Variants in TMEM273 observed in about 807,000 individuals in gnomAD.
TMEM273 encodes chromosome 10 open reading frame 128.
TMEM273 carries 19 observed loss-of-function variants against 17.9 expected under a neutral mutation model. The ratio of observed to expected loss-of-function variants is 1.06; its 90% CI spans 0.74 to 1.55. The LOEUF (loss-of-function observed/expected upper bound fraction) is 1.55. TMEM273 is among the 40% of genes most tolerant of loss of function. The pLI, the probability that TMEM273 is intolerant of heterozygous loss-of-function variation, is 0.00. For synonymous variants in TMEM273, 66 were observed against 62.0 expected, an observed-to-expected ratio of 1.07 and a Z score of -0.31; for missense variants, 194 against 155.6, an observed-to-expected ratio of 1.25 and a Z score of -1.31.
intron 6 of TMEM273, 119 bp from the exon 7 acceptor site, chr10:49,156,028 G>A (rs1000477178): frequency 6.9e-6 from 11 of 1,583,518 alleles, no homozygotes; most frequent in African/African-American, 6.7e-5. Flanking sequence ...AGCAAAGCCT[G>A]CAAGGTGGGC....
At chr10:49,165,429 G>A in intron 4 of TMEM273, 146 bp from the exon 5 acceptor site, 1 of 1,498,658 alleles carries the variant, frequency 6.7e-7, no homozygotes, top group Non-Finnish European at 8.9e-7. Flanking sequence ...AACCACGTGT[G>A]ACCTCCCAAG....
chr10:49,165,858 C>G, intron 3 of TMEM273, 62 bp from the exon 4 acceptor site: 1 of 1,601,994 alleles, frequency 6.2e-7, no homozygotes, highest in Non-Finnish European at 8.5e-7. Flanking sequence ...AGAGCATTCC[C>G]TAGAGCTTTC....
rs543458597 is a variant in TMEM273, at chr10:49,160,715, A to C, written c.372+884T>G. On this transcript the variant is annotated intron_variant, in intron 6 of 6. Coordinates refer to ENST00000374153, the MANE Select transcript of TMEM273 (RefSeq NM_001288740.3). ...TAGGAAACACAATGGTGCTGTATTC[A>C]GGGGTGAAATATCATGATATCTACA... The C allele has an allele frequency of 4.6e-5, 7 of 151,256 alleles. No individual in the cohort carries two copies. In the South Asian group the frequency reaches 1.5e-3, roughly 32 times the overall value. 9.4% of individuals were successfully genotyped at this position (151,256 alleles called of 1,614,324 possible).
intron 6 of TMEM273, chr10:49,156,252 G>A (rs903558063): frequency 1.5e-6 from 2 of 1,357,604 alleles, no homozygotes; most frequent in Non-Finnish European, 2.0e-6. Flanking sequence ...CACAGATCTG[G>A]CCAGATGCTA....
intron 1 of TMEM273, among the ~76,000 whole-genome samples, chr10:49,170,898 GCCT>G (rs1381907845): frequency 2.0e-5 from 3 of 152,192 alleles, no homozygotes; most frequent in African/African-American, 7.2e-5. Context: ...CCCCCTGCAA[GCCT>G]CCAGCACTGG....
intron 5 of TMEM273, among the ~76,000 whole-genome samples, chr10:49,162,278 T>A (rs1211123549): frequency 6.6e-6 from 1 of 152,180 alleles, no homozygotes; most frequent in Admixed American, 6.5e-5. Context: ...GAGTCCATCA[T>A]GAATGGCCAC....
intron 5 of TMEM273, 32 bp from the exon 6 acceptor site, chr10:49,161,654 C>T (rs1029964279): frequency 6.2e-7 from 1 of 1,614,146 alleles, no homozygotes. Context: ...TGTTCATTGC[C>T]TAAGCCTTAG....
intron 2 of TMEM273, among the ~76,000 whole-genome samples, chr10:49,167,243 C>A (rs1282053648): frequency 2.0e-5 from 3 of 152,230 alleles, no homozygotes; most frequent in Non-Finnish European, 2.9e-5. Context: ...CTGAAGCTCA[C>A]CTGGCTACCC....
At chr10:49,166,580 C>T in intron 3 of TMEM273, 1 of 407,890 alleles carries the variant, frequency 2.5e-6, no homozygotes, top group Non-Finnish European at 4.6e-6. Context: ...CCAAGAGCAA[C>T]TGAAAGGAAA....
intron 1 of TMEM273, among the ~76,000 whole-genome samples, chr10:49,170,114 A>G (rs1330802289): frequency 6.6e-6 from 1 of 152,218 alleles, no homozygotes; most frequent in Non-Finnish European, 1.5e-5. Flanking sequence ...ATGAAATCCG[A>G]GCAGAGAGGA....
At chr10:49,166,810 G>T in intron 3 of TMEM273, 59 bp downstream of exon 3, 1 of 1,605,620 alleles carries the variant, frequency 6.2e-7, no homozygotes. Flanking sequence ...GCATCACAGA[G>T]TGGCCCTCGG....
intron 6 of TMEM273, among the ~76,000 whole-genome samples, chr10:49,159,281 C>T (rs1007314860): frequency 2.0e-5 from 3 of 152,116 alleles, no homozygotes; most frequent in African/African-American, 4.8e-5. Flanking sequence ...AGCATAACCA[C>T]ACAGAGAATA....
chr10:49,167,320 CTTCGTTAATTCA>C (rs1846258276), intron 2 of TMEM273, among the ~76,000 whole-genome samples: 1 of 152,236 alleles, frequency 6.6e-6, no homozygotes, highest in Admixed American at 6.5e-5. Flanking sequence ...TCACTGATCC[CTTCGTTAATTCA>C]TCCACTCATC....
chr10:49,166,224 TGATA>T (rs1479602027), intron 3 of TMEM273, among the ~76,000 whole-genome samples: 1 of 152,130 alleles, frequency 6.6e-6, no homozygotes, highest in Non-Finnish European at 1.5e-5. Context: ...AGTCTGGGGA[TGATA>T]CCCTGAGAGA....
intron 4 of TMEM273, 181 bp from the exon 5 acceptor site, chr10:49,165,464 T>C: frequency 6.8e-7 from 1 of 1,469,320 alleles, no homozygotes; most frequent in Non-Finnish European, 9.0e-7. Flanking sequence ...GGCCTCATTC[T>C]GAAAGTCAGG....
At chr10:49,161,208 C>A in intron 6 of TMEM273, 1 of 228,564 alleles carries the variant, frequency 4.4e-6, no homozygotes, top group Non-Finnish European at 8.7e-6. Flanking sequence ...AAATACCCAG[C>A]CAAACTGATA....
chr10:49,156,040 A>C (rs1387155885), intron 6 of TMEM273, 131 bp from the exon 7 acceptor site: 37 of 1,570,034 alleles, frequency 2.4e-5, no homozygotes, highest in Non-Finnish European at 3.2e-5. Context: ...AAGGTGGGCC[A>C]CTTCCTTGTG....
intron 1 of TMEM273, among the ~76,000 whole-genome samples, chr10:49,175,235 C>T (rs1846873988): frequency 6.6e-6 from 1 of 152,094 alleles, no homozygotes; most frequent in Non-Finnish European, 1.5e-5. Flanking sequence ...ATGTGGCCGG[C>T]ACTGTGGACA....
At chr10:49,176,800 G>A (rs1037605676) in intron 1 of TMEM273, among the ~76,000 whole-genome samples, 7 of 152,314 alleles carry the variant, frequency 4.6e-5, no homozygotes, top group East Asian at 1.9e-4. Context: ...TCCACTTACC[G>A]GGACAGATCA....
Sources: gnomAD v4.1 joint callset for allele counts (sites outside exome capture counted in the v4.1 genomes callset) on GRCh38, gnomAD v4.1.1 for gene constraint, MANE v1.5 for transcripts, NCBI Gene and HGNC (gene_info 2026-07-23, HGNC 2026-07-21) for gene names.